Variants in ADGRL3 observed in about 807,000 individuals in gnomAD.
The protein encoded by ADGRL3 is adhesion G protein-coupled receptor L3, also known as calcium-independent alpha-latrotoxin receptor 3.
Under a neutral mutation model 153.5 loss-of-function variants are expected in ADGRL3, and 62 were observed. That is an observed-to-expected ratio of 0.40 (90% CI 0.33 to 0.50). The LOEUF is 0.50. Among genes scored for constraint, ADGRL3 ranks in the 20% least tolerant of loss-of-function variants. ADGRL3 has a pLI of 0.47. For synonymous variants in ADGRL3, 710 were observed against 672.5 expected, an observed-to-expected ratio of 1.06 and a Z score of -0.86; for missense variants, 1,641 against 1,859.4, an observed-to-expected ratio of 0.88 and a Z score of 2.16.
chr4:61,570,014 T>G (rs1019475041), intron 4 of ADGRL3, among the ~76,000 whole-genome samples: 1 of 152,172 alleles, frequency 6.6e-6, no homozygotes. Context: ...TTTTGATTTT[T>G]GGGTATCATG....
intron 21 of ADGRL3, among the ~76,000 whole-genome samples, chr4:62,020,136 T>G (rs768040312): frequency 6.6e-6 from 1 of 152,160 alleles, no homozygotes; most frequent in Non-Finnish European, 1.5e-5. Flanking sequence ...TCAATGAATG[T>G]TTCTGTTGGA....
chr4:62,045,669 A>G (rs767566844), intron 25 of ADGRL3, among the ~76,000 whole-genome samples: 3 of 151,960 alleles, frequency 2.0e-5, no homozygotes, highest in African/African-American at 2.4e-5. Flanking sequence ...GCAGGGATCC[A>G]TGTTTTAATA....
intron 2 of ADGRL3, among the ~76,000 whole-genome samples, chr4:61,440,780 A>AT (rs2097520692): frequency 6.6e-6 from 1 of 152,002 alleles, no homozygotes; most frequent in African/African-American, 2.4e-5. Flanking sequence ...CTTCCTTTTC[A>AT]TTTTTCCTAG....
chr4:62,062,182 G>T (rs193169356), intron 25 of ADGRL3, among the ~76,000 whole-genome samples: 221 of 152,044 alleles, frequency 1.5e-3, no homozygotes, highest in African/African-American at 5.2e-3. Flanking sequence ...GTTTTAACCT[G>T]TATTTCTCTA....
chr4:61,411,454 C>T (rs2097086860), intron 2 of ADGRL3, among the ~76,000 whole-genome samples: 1 of 152,164 alleles, frequency 6.6e-6, no homozygotes, highest in Non-Finnish European at 1.5e-5. Flanking sequence ...ATTTTCCAGG[C>T]ATCCCTCCTC....
intron 16 of ADGRL3, 74 bp downstream of exon 16, chr4:61,947,196 A>G (rs1447747497): frequency 8.4e-7 from 1 of 1,187,572 alleles, no homozygotes. Flanking sequence ...AAGTGTATTA[A>G]TTTTCTTTTA....
chr4:61,386,649 G>A (rs2096739819), intron 2 of ADGRL3, among the ~76,000 whole-genome samples: 1 of 152,130 alleles, frequency 6.6e-6, no homozygotes, highest in Admixed American at 6.6e-5. Flanking sequence ...TCTTTCTGCT[G>A]TGGTAAAAAT....
At chr4:62,046,960 G>A (rs544458267) in intron 25 of ADGRL3, among the ~76,000 whole-genome samples, 5 of 151,748 alleles carry the variant, frequency 3.3e-5, no homozygotes, top group South Asian at 2.1e-4. Flanking sequence ...GCATTCAGGC[G>A]TGTGTATCAT....
chr4:61,765,079 C>T (rs1038976137), intron 8 of ADGRL3, among the ~76,000 whole-genome samples: 3 of 151,990 alleles, frequency 2.0e-5, no homozygotes, highest in Non-Finnish European at 4.4e-5. Flanking sequence ...CATAGTCCTG[C>T]CAGCAAAGAT....
At chr4:62,007,383 T>TATATATACAA (rs71213024) in intron 21 of ADGRL3, among the ~76,000 whole-genome samples, 1 of 30,782 alleles carries the variant, frequency 3.2e-5, no homozygotes, top group African/African-American at 1.3e-4. Flanking sequence ...TATATATATA[T>TATATATACAA]ACACACACAC....
At chr4:61,528,792 C>T (rs779448799) in intron 4 of ADGRL3, among the ~76,000 whole-genome samples, 1 of 152,082 alleles carries the variant, frequency 6.6e-6, no homozygotes, top group South Asian at 2.1e-4. Flanking sequence ...CACTTTCTGT[C>T]GCATCAGCTA....
intron 13 of ADGRL3, among the ~76,000 whole-genome samples, chr4:61,926,492 CT>C (rs1175108614): frequency 6.6e-6 from 1 of 152,148 alleles, no homozygotes; most frequent in Non-Finnish European, 1.5e-5. Flanking sequence ...GGAATAATCT[CT>C]GCTTTTCTTT....
intron 23 of ADGRL3, among the ~76,000 whole-genome samples, chr4:62,033,445 G>A (rs1723272457): frequency 6.6e-6 from 1 of 151,664 alleles, no homozygotes; most frequent in South Asian, 2.1e-4. Context: ...GAATAGAGCT[G>A]TAAGGAAGAA....
chr4:61,722,422 C>T (rs1398954501), intron 6 of ADGRL3, among the ~76,000 whole-genome samples: 1 of 152,164 alleles, frequency 6.6e-6, no homozygotes, highest in East Asian at 1.9e-4. Context: ...CAAAACCCAA[C>T]ATCTTGAGGA....
intron 1 of ADGRL3, among the ~76,000 whole-genome samples, chr4:61,281,639 G>T (rs538699466): frequency 6.6e-6 from 1 of 151,960 alleles, no homozygotes; most frequent in African/African-American, 2.4e-5. Context: ...ATGCCTTATC[G>T]CCATGAAGCA....
At chr4:61,204,436 A>G (rs965497731) in intron 1 of ADGRL3, among the ~76,000 whole-genome samples, 3 of 152,230 alleles carry the variant, frequency 2.0e-5, no homozygotes, top group Non-Finnish European at 4.4e-5. Flanking sequence ...TCCAAGATCT[A>G]ATCACAATGA....
intron 1 of ADGRL3, among the ~76,000 whole-genome samples, chr4:61,333,503 A>G (rs1299828428): frequency 6.6e-6 from 1 of 152,190 alleles, no homozygotes; most frequent in Non-Finnish European, 1.5e-5. Flanking sequence ...CATGTTGTTC[A>G]ACACTTATTT....
chr4:61,720,224 G>A (rs1319192960), intron 6 of ADGRL3, among the ~76,000 whole-genome samples: 1 of 151,570 alleles, frequency 6.6e-6, no homozygotes, highest in Non-Finnish European at 1.5e-5. Context: ...TGAGTAGCTG[G>A]GACTACAGGC....
intron 1 of ADGRL3, among the ~76,000 whole-genome samples, chr4:61,209,304 T>G (rs1738734270): frequency 6.6e-6 from 1 of 152,156 alleles, no homozygotes. Flanking sequence ...ATGTGCAAGT[T>G]TCTGGCTCTG....
Sources: allele counts gnomAD v4.1 joint callset (sites outside exome capture counted in the v4.1 genomes callset), GRCh38; gene constraint gnomAD v4.1.1; transcripts MANE v1.5; gene names NCBI Gene and HGNC (gene_info 2026-07-23, HGNC 2026-07-21).